RFX4: variants seen among roughly 807,000 people sequenced by gnomAD.
The protein encoded by RFX4 is transcription factor RFX4.
RFX4 carries 10 observed loss-of-function variants against 95.0 expected under a neutral mutation model. That is an observed-to-expected ratio of 0.11 (90% confidence interval 0.06 to 0.18). The LOEUF (loss-of-function observed/expected upper bound fraction) is 0.18. Among genes scored for constraint, RFX4 ranks in the 10% least tolerant of loss-of-function variants. The probability of loss-of-function intolerance (pLI) is 1.00; values close to 1 mark genes in which losing one functional copy is unlikely to be tolerated. For missense variants in RFX4, 640 were observed against 922.0 expected (o/e 0.69, Z 3.96); for synonymous variants, 321 against 340.7 (o/e 0.94, Z 0.64).
chr12:106,740,168 G>C (rs1020344467), intron 15 of RFX4, among the ~76,000 whole-genome samples: 2 of 152,206 alleles, frequency 1.3e-5, no homozygotes, highest in Non-Finnish European at 2.9e-5. Flanking sequence ...GATACTTAAT[G>C]AAATAAAAGC....
At chr12:106,686,801 G>A (rs1295091279) in intron 5 of RFX4, 83 bp from the exon 6 acceptor site, 1 of 1,353,134 alleles carries the variant, frequency 7.4e-7, no homozygotes, top group Non-Finnish European at 1.0e-6. Flanking sequence ...TCCCTACTCA[G>A]GAAACCTCAC....
At chr12:106,668,355 A>AT (rs1006412601) in intron 4 of RFX4, among the ~76,000 whole-genome samples, 4 of 152,186 alleles carry the variant, frequency 2.6e-5, no homozygotes, top group African/African-American at 9.7e-5. Context: ...CAGCCCAGTG[A>AT]TTTTCCCTTA....
chr12:106,645,845 A>G, intron 3 of RFX4: 1 of 1,209,686 alleles, frequency 8.3e-7, no homozygotes, highest in Non-Finnish European at 1.1e-6. Flanking sequence ...GAGGCTGAAC[A>G]CTTTTAGCTC....
In RFX4 at chr12:106,720,953, C is replaced by A; in HGVS notation, c.1351+77C>A. ...GGAGCCCAGAGGAATCTACCACAGTCTAACTTGCTGTTTCTGCAAGGTCAT... is the reference window on the plus strand; with the variant it reads ...GGAGCCCAGAGGAATCTACCACAGTATAACTTGCTGTTTCTGCAAGGTCAT... On this transcript the variant is annotated intron_variant, in intron 13 of 17. Transcript: ENST00000392842. The surrounding 1 kb of genome is among the most constrained non-coding windows in gnomAD (Gnocchi z 4.2). The A allele has an allele frequency of 8.0e-7, 1 of 1,257,694 alleles. No individual in the cohort carries two copies. The highest frequency in any genetic ancestry group is 1.2e-5 in the South Asian group (1 of 83,252). 77.9% of individuals were successfully genotyped at this position (1,257,694 alleles called of 1,614,324 possible). A position where few individuals can be genotyped will look rare whatever the true frequency, so the allele number is the denominator to read the frequency against.
intron 3 of RFX4, among the ~76,000 whole-genome samples, chr12:106,646,652 G>A (rs909250411): frequency 6.6e-6 from 1 of 152,102 alleles, no homozygotes; most frequent in African/African-American, 2.4e-5. Flanking sequence ...CCCCACATCA[G>A]CCAAACCTAC....
intron 17 of RFX4, among the ~76,000 whole-genome samples, chr12:106,753,736 C>T (rs543602948): frequency 2.6e-5 from 4 of 152,350 alleles, no homozygotes; most frequent in East Asian, 1.9e-4. Context: ...CACCCCCTGC[C>T]GCCTCTCAGA....
intron 1 of RFX4, chr12:106,601,338 G>A (rs375854420): frequency 5.9e-5 from 94 of 1,582,666 alleles, no homozygotes; most frequent in Admixed American, 1.2e-4. Flanking sequence ...CGACGGCGCC[G>A]TTCCACTGGT....
At chr12:106,687,180 TCTCACACACACACACA>T in intron 6 of RFX4, 83 bp downstream of exon 6, 12 of 682,014 alleles carry the variant, frequency 1.8e-5, no homozygotes, top group Admixed American at 7.6e-5. Context: ...TCTCTCTCTC[TCTCACACACACACACA>T]CACACACACA....
At chr12:106,735,045 A>G (rs1213966785) in intron 15 of RFX4, among the ~76,000 whole-genome samples, 2 of 132,712 alleles carry the variant, frequency 1.5e-5, no homozygotes, top group Non-Finnish European at 3.1e-5. Context: ...TAGCCTGTTT[A>G]AAAAAAAAAA....
At chr12:106,685,607 AGAGGGCCCAG>A (rs2041629221) in intron 5 of RFX4, among the ~76,000 whole-genome samples, 2 of 151,082 alleles carry the variant, frequency 1.3e-5, no homozygotes, top group South Asian at 4.2e-4. Context: ...AGGTACTGAG[AGAGGGCCCAG>A]GAGTCTGTAT....
chr12:106,740,538 T>C (rs766911176), intron 15 of RFX4, among the ~76,000 whole-genome samples: 43 of 152,208 alleles, frequency 2.8e-4, no homozygotes, highest in Non-Finnish European at 5.7e-4. Flanking sequence ...AATCTTAGCT[T>C]GCTGCTGGGA....
At chr12:106,741,813 G>A (rs1367800032) in intron 15 of RFX4, among the ~76,000 whole-genome samples, 1 of 152,152 alleles carries the variant, frequency 6.6e-6, no homozygotes, top group Non-Finnish European at 1.5e-5. Context: ...AGGTGGGGGG[G>A]ATGGTTTCAG....
chr12:106,597,473 C>T (rs2039638330), intron 1 of RFX4, among the ~76,000 whole-genome samples: 2 of 152,164 alleles, frequency 1.3e-5, no homozygotes, highest in African/African-American at 2.4e-5. Flanking sequence ...GATACATTCG[C>T]TAAGACATAC....
intron 1 of RFX4, among the ~76,000 whole-genome samples, chr12:106,606,315 C>T (rs1277913348): frequency 1.3e-5 from 2 of 152,098 alleles, no homozygotes; most frequent in Admixed American, 6.5e-5. Flanking sequence ...TCTAGGAAGA[C>T]CAGGGGTTGG....
intron 2 of RFX4, among the ~76,000 whole-genome samples, chr12:106,624,435 C>T (rs978894848): frequency 6.6e-6 from 1 of 152,156 alleles, no homozygotes; most frequent in Admixed American, 6.5e-5. Flanking sequence ...AGCAATTCTC[C>T]TGCCTCAGCC....
chr12:106,700,657 C>T (rs1010001346), intron 8 of RFX4, among the ~76,000 whole-genome samples: 2 of 151,562 alleles, frequency 1.3e-5, no homozygotes, highest in Non-Finnish European at 2.9e-5. Flanking sequence ...CCGCCCGCCT[C>T]GGCCTCCCAA....
intron 4 of RFX4, among the ~76,000 whole-genome samples, chr12:106,671,282 G>A (rs1045632451): frequency 5.9e-5 from 9 of 152,078 alleles, no homozygotes; most frequent in South Asian, 2.1e-4. Flanking sequence ...GGAAACAAAC[G>A]CCCGATGACT....
chr12:106,707,426 G>T (rs1380494995), intron 8 of RFX4, among the ~76,000 whole-genome samples: 1 of 152,120 alleles, frequency 6.6e-6, no homozygotes, highest in Non-Finnish European at 1.5e-5. Flanking sequence ...GAGAGCCCAG[G>T]ACTAGACATG....
At chr12:106,638,871 T>A (rs146736914) in intron 2 of RFX4, among the ~76,000 whole-genome samples, 1 of 152,278 alleles carries the variant, frequency 6.6e-6, no homozygotes, top group African/African-American at 2.4e-5. Context: ...TCATGACTGA[T>A]CACTTCCTAA....
Sources: gnomAD v4.1 joint callset for allele counts (sites outside exome capture counted in the v4.1 genomes callset) on GRCh38, gnomAD v4.1.1 for gene constraint, Gnocchi (gnomAD v3.1) non-coding constraint, MANE v1.5 for transcripts, NCBI Gene and HGNC (gene_info 2026-07-23, HGNC 2026-07-21) for gene names.